KYNU: variants seen among roughly 807,000 people sequenced by gnomAD.
The protein encoded by KYNU is L-kynurenine hydrolase.
A neutral mutation model predicts 59.2 loss-of-function variants in KYNU; 54 were observed. The ratio of observed to expected loss-of-function variants is 0.91; its 90% confidence interval spans 0.73 to 1.14. The LOEUF (loss-of-function observed/expected upper bound fraction) is 1.14. KYNU is among the 50% of genes most tolerant of loss of function. The pLI is 0.00. For synonymous variants in KYNU, 177 were observed against 192.0 expected, an observed-to-expected ratio of 0.92 and a Z score of 0.65; for missense variants, 567 against 554.4, an observed-to-expected ratio of 1.02 and a Z score of -0.23.
rs1687310793 is a variant in KYNU at position 143,053,937 on chromosome 2, A to T, written c.*11765A>T. On this transcript the variant is annotated 3_prime_UTR_variant, in exon 14 of 14. Transcript: ENST00000264170. ...GTGGGGTTGAATGATATCTCCAGGT[A>T]TATCATGTCAGAATTGAATTCAATT... 1 of 152,190 alleles carries T rather than the reference A, an allele frequency of 6.6e-6. No individual in the cohort carries two copies. The highest frequency in any genetic ancestry group is 2.1e-4 in the South Asian group (1 of 4,826). The allele number at this position is 152,190 out of a possible 1,614,324, so 9.4% of individuals were successfully genotyped here.
chr2:142,890,862 C>G (rs548441395), intron 2 of KYNU, among the ~76,000 whole-genome samples: 80 of 152,192 alleles, frequency 5.3e-4, no homozygotes, highest in African/African-American at 1.9e-3. Flanking sequence ...CTTAGACAAC[C>G]GTTGGAGATA....
rs542116709 is a variant in KYNU, at chr2:142,878,700, T to A, written c.-20+964T>A. Among the ~76,000 whole-genome samples the A allele has an allele frequency of 8.8e-4, 134 of 152,322 alleles. 1 individual carries two copies. Among genetic ancestry groups the A allele is most frequent in the Non-Finnish European group, 1.4e-3 (96 of 68,020 alleles). On this transcript the variant is annotated intron_variant, in intron 1 of 13. Coordinates refer to ENST00000264170, the MANE Select transcript of KYNU (RefSeq NM_003937.3). Reference sequence around the variant, plus strand: ...TCGTTAAAATCAATCAGTTTTTAATTATTATACAAGCTTTTTACTTTAAAG... The same window carrying A: ...TCGTTAAAATCAATCAGTTTTTAATAATTATACAAGCTTTTTACTTTAAAG...
At chr2:142,979,185 A>G (rs1684980186) in intron 8 of KYNU, among the ~76,000 whole-genome samples, 1 of 152,214 alleles carries the variant, frequency 6.6e-6, no homozygotes, top group South Asian at 2.1e-4. Context: ...TTTTGAACAT[A>G]TTCTCAACTA....
chr2:142,955,886 CT>C (rs995544083), intron 5 of KYNU, among the ~76,000 whole-genome samples: 9 of 151,996 alleles, frequency 5.9e-5, no homozygotes, highest in African/African-American at 1.9e-4. Flanking sequence ...CAATTAACAG[CT>C]TTTTTTGTTG....
intron 10 of KYNU, among the ~76,000 whole-genome samples, chr2:142,986,488 T>A (rs1573872711): frequency 1.3e-5 from 2 of 151,902 alleles, no homozygotes; most frequent in African/African-American, 2.4e-5. Flanking sequence ...TCTTCTGTCC[T>A]AAAAGACTTT....
At chr2:142,948,480 G>A (rs912847480) in intron 4 of KYNU, among the ~76,000 whole-genome samples, 1 of 152,216 alleles carries the variant, frequency 6.6e-6, no homozygotes, top group Admixed American at 6.5e-5. Flanking sequence ...GTTTAATGGA[G>A]AACTCATAGT....
intron 10 of KYNU, among the ~76,000 whole-genome samples, chr2:143,013,270 G>A (rs58292955): frequency 6.8e-6 from 1 of 147,318 alleles, no homozygotes; most frequent in Non-Finnish European, 1.5e-5. Context: ...CTCTCTCCCT[G>A]TCTCTCTCTG....
Position 142,899,166 on chromosome 2 carries a change from C to T in KYNU, c.169+13630C>T, listed in dbSNP as rs1049820214. Among the ~76,000 whole-genome samples the T allele has an allele frequency of 5.3e-5, 8 of 152,180 alleles. No individual in the cohort carries two copies. The South Asian group carries it at 1.7e-3, about 32-fold the overall frequency. On this transcript the variant is annotated intron_variant, in intron 2 of 13. Transcript: ENST00000264170. ...AACAAACACGGACCAGAAGAGCGTG[C>T]AGTTGCAAGATTTAATAGAGTGAAA...
intron 8 of KYNU, among the ~76,000 whole-genome samples, chr2:142,976,640 A>G (rs999396105): frequency 1.3e-5 from 2 of 152,184 alleles, no homozygotes; most frequent in Non-Finnish European, 2.9e-5. Context: ...TAGGTAATTT[A>G]TCAGAAGGTT....
Position 143,054,424 on chromosome 2 carries a change from A to G in KYNU, c.*12252A>G, listed in dbSNP as rs527489464. 1.8e-3 allele frequency: 275 copies of G among 152,352 alleles called. 1 individual carries two copies. Among genetic ancestry groups the G allele is most frequent in the African/African-American group, 5.8e-3 (243 of 41,594 alleles). The allele number at this position is 152,352 out of a possible 1,614,324, so 9.4% of individuals were successfully genotyped here. On this transcript the variant is annotated 3_prime_UTR_variant, in exon 14 of 14. Transcript: ENST00000264170. Reference sequence around the variant, plus strand: ...TTGATGAAGAAAATCGAATATAATCATTTTTCAATACTTAGGATAACAGAT... The same window carrying G: ...TTGATGAAGAAAATCGAATATAATCGTTTTTCAATACTTAGGATAACAGAT...
At chr2:142,919,534 T>C (rs1041061106) in intron 3 of KYNU, among the ~76,000 whole-genome samples, 1 of 152,216 alleles carries the variant, frequency 6.6e-6, no homozygotes, top group African/African-American at 2.4e-5. Flanking sequence ...CCAAATAGAA[T>C]TTCAGAGGAA....
chr2:143,026,409 A>G (rs1316714938), intron 10 of KYNU, among the ~76,000 whole-genome samples: 1 of 152,230 alleles, frequency 6.6e-6, no homozygotes, highest in Non-Finnish European at 1.5e-5. Context: ...AATTCCTGAC[A>G]GGGGTGCCTC....
Position 142,897,912 on chromosome 2 carries a change from A to G in KYNU, c.169+12376A>G, listed in dbSNP as rs371415081. ...TCTCTCTATCTTCATTTATTTATTTATTTATTTGAGACAGGATGTCCCTTT... is the reference window on the plus strand; with the variant it reads ...TCTCTCTATCTTCATTTATTTATTTGTTTATTTGAGACAGGATGTCCCTTT... On this transcript the variant is annotated intron_variant, in intron 2 of 13. Coordinates refer to ENST00000264170, the MANE Select transcript of KYNU (RefSeq NM_003937.3). 1.2e-4 allele frequency among the ~76,000 whole-genome samples: 18 copies of G among 152,038 alleles called. No individual in the cohort carries two copies. The East Asian group carries it at 2.3e-3, about 20-fold the overall frequency.
intron 10 of KYNU, among the ~76,000 whole-genome samples, chr2:143,028,496 C>A (rs770723691): frequency 6.8e-6 from 1 of 148,132 alleles, no homozygotes; most frequent in Non-Finnish European, 1.5e-5. Context: ...CCCGCCTTGG[C>A]CTCCCAAAGT....
chr2:143,004,199 A>T (rs966005826), intron 10 of KYNU, among the ~76,000 whole-genome samples: 1 of 152,196 alleles, frequency 6.6e-6, no homozygotes. Flanking sequence ...GAATCTAACT[A>T]ATGTTTACAA....
chr2:143,032,294 A>AC (rs1202570759), intron 11 of KYNU, among the ~76,000 whole-genome samples: 3 of 83,908 alleles, frequency 3.6e-5, no homozygotes, highest in Non-Finnish European at 6.3e-5. Context: ...AAAAACAAAA[A>AC]AAAAAAACAA....
At chr2:142,899,681 T>C (rs1682006129) in intron 2 of KYNU, among the ~76,000 whole-genome samples, 1 of 152,192 alleles carries the variant, frequency 6.6e-6, no homozygotes, top group Admixed American at 6.5e-5. Context: ...CAGTAGATCT[T>C]AGTCATGCAT....
intron 10 of KYNU, among the ~76,000 whole-genome samples, chr2:143,016,216 A>T (rs546368656): frequency 1.3e-5 from 2 of 152,344 alleles, no homozygotes; most frequent in South Asian, 4.1e-4. Context: ...AAAATTTTAC[A>T]GTCAGTGATT....
intron 7 of KYNU, among the ~76,000 whole-genome samples, chr2:142,959,057 G>A (rs187563500): frequency 4.6e-5 from 7 of 151,946 alleles, no homozygotes; most frequent in African/African-American, 1.7e-4. Context: ...TTTTATTGAT[G>A]CCCATTTTGT....
Sources: allele counts gnomAD v4.1 joint callset (sites outside exome capture counted in the v4.1 genomes callset), GRCh38; gene constraint gnomAD v4.1.1; transcripts MANE v1.5; gene names NCBI Gene and HGNC (gene_info 2026-07-23, HGNC 2026-07-21).